Variants in NALCN observed in about 807,000 individuals in gnomAD.
The protein encoded by NALCN is sodium leak channel NALCN.
A neutral mutation model predicts 225.3 loss-of-function variants in NALCN; 111 were observed. That is an observed-to-expected ratio of 0.49 (90% CI 0.42 to 0.58). The LOEUF is 0.58. NALCN is among the 20% of genes least tolerant of loss of function. NALCN has a pLI of 0.00. For synonymous variants in NALCN, 764 were observed against 769.0 expected, an observed-to-expected ratio of 0.99 and a Z score of 0.11; for missense variants, 1,378 against 2,202.4, an observed-to-expected ratio of 0.63 and a Z score of 7.49.
chr13:101,101,779 G>A (rs2034836026), intron 26 of NALCN, among the ~76,000 whole-genome samples: 1 of 152,120 alleles, frequency 6.6e-6, no homozygotes, highest in Non-Finnish European at 1.5e-5. Flanking sequence ...ACGAGTGGCA[G>A]AGGGCAAAAT....
intron 10 of NALCN, among the ~76,000 whole-genome samples, chr13:101,265,841 T>G (rs117536992): frequency 0.018 from 2,779 of 152,238 alleles, 28 homozygotes; most frequent in Admixed American, 0.031. Context: ...TCAAAATTCA[T>G]CAGTCAACAT....
intron 14 of NALCN, among the ~76,000 whole-genome samples, chr13:101,179,715 C>T (rs1409693426): frequency 6.6e-6 from 1 of 152,136 alleles, no homozygotes; most frequent in African/African-American, 2.4e-5. Flanking sequence ...AGCTCTGATT[C>T]CCAGTGATGT....
intron 7 of NALCN, among the ~76,000 whole-genome samples, chr13:101,336,390 T>C (rs1242648266): frequency 6.6e-6 from 1 of 152,140 alleles, no homozygotes; most frequent in Admixed American, 6.5e-5. Context: ...AGTCCCAAAT[T>C]TCAATACTCA....
intron 3 of NALCN, among the ~76,000 whole-genome samples, chr13:101,389,600 A>T (rs1367373272): frequency 6.6e-6 from 1 of 152,164 alleles, no homozygotes; most frequent in African/African-American, 2.4e-5. Flanking sequence ...CGGTCGGTAC[A>T]CAGAAAAGCT....
intron 7 of NALCN, among the ~76,000 whole-genome samples, chr13:101,321,969 A>C (rs2044761076): frequency 6.6e-6 from 1 of 152,194 alleles, no homozygotes; most frequent in Non-Finnish European, 1.5e-5. Context: ...TTCAAGAAAT[A>C]TATGAACTGT....
At chr13:101,372,633 G>C (rs1383474402) in intron 6 of NALCN, among the ~76,000 whole-genome samples, 1 of 152,000 alleles carries the variant, frequency 6.6e-6, no homozygotes, top group African/African-American at 2.4e-5. Flanking sequence ...TATTTGAATT[G>C]AATAATAATA....
intron 33 of NALCN, 146 bp from the exon 34 acceptor site, chr13:101,081,792 T>C (rs1254223079): frequency 2.2e-5 from 24 of 1,115,668 alleles, no homozygotes; most frequent in Non-Finnish European, 3.0e-5. Context: ...ATCTTTTCCA[T>C]TGAAAATGAG....
chr13:101,410,062 C>T (rs1265839954), intron 1 of NALCN, among the ~76,000 whole-genome samples: 1 of 152,158 alleles, frequency 6.6e-6, no homozygotes, highest in Non-Finnish European at 1.5e-5. Context: ...AGGAATCAGC[C>T]AGCACCTTGA....
intron 7 of NALCN, among the ~76,000 whole-genome samples, chr13:101,337,780 G>A (rs1402675057): frequency 6.6e-6 from 1 of 152,160 alleles, no homozygotes. Flanking sequence ...CAGGAATGAA[G>A]GTTACTCATG....
intron 18 of NALCN, among the ~76,000 whole-genome samples, chr13:101,112,620 T>G (rs558818938): frequency 1.3e-5 from 2 of 152,372 alleles, no homozygotes; most frequent in South Asian, 4.1e-4. Context: ...CTCTGAAAGA[T>G]AGCTCACAGG....
chr13:101,233,067 CTAAT>C (rs1276724040), intron 12 of NALCN, among the ~76,000 whole-genome samples: 1 of 152,102 alleles, frequency 6.6e-6, no homozygotes, highest in Non-Finnish European at 1.5e-5. Context: ...GTCAGTGAGT[CTAAT>C]TGTGCCTTTT....
chr13:101,059,669 G>A (rs1054041759), intron 42 of NALCN, 149 bp downstream of exon 42: 30 of 667,962 alleles, frequency 4.5e-5, no homozygotes, highest in African/African-American at 1.5e-4. Flanking sequence ...ATGGATTTCC[G>A]TTGCCTTTTT....
chr13:101,059,804 C>T lies in NALCN; in HGVS notation c.4905+14G>A. The T allele has an allele frequency of 1.2e-6, 2 of 1,613,470 alleles. No individual in the cohort carries two copies. Among genetic ancestry groups the T allele is most frequent in the Non-Finnish European group, 1.7e-6 (2 of 1,179,732 alleles). On this transcript the variant is annotated intron_variant, in intron 42 of 43. Coordinates refer to ENST00000251127, the MANE Select transcript of NALCN (RefSeq NM_052867.4). The stretch of plus-strand genomic sequence containing the variant: ...ACAGAGTGTCCTGGGACAGAGGACG[C>T]CTCGTGCCCATACCTCAGGTTGCAT...
intron 11 of NALCN, among the ~76,000 whole-genome samples, 179 bp from the exon 12 acceptor site, chr13:101,238,101 T>G (rs1279034200): frequency 6.6e-6 from 1 of 151,966 alleles, no homozygotes; most frequent in African/African-American, 2.4e-5. Flanking sequence ...TAGAACACAG[T>G]AGACCAAAGC....
intron 17 of NALCN, among the ~76,000 whole-genome samples, chr13:101,137,373 TTC>T (rs144925380): frequency 2.3e-4 from 34 of 149,786 alleles, no homozygotes; most frequent in Non-Finnish European, 2.8e-4. Context: ...CATTTGTTCA[TTC>T]TCTCTCTCTC....
At chr13:101,257,653 G>A (rs1235190537) in intron 11 of NALCN, among the ~76,000 whole-genome samples, 2 of 151,894 alleles carry the variant, frequency 1.3e-5, no homozygotes, top group Non-Finnish European at 2.9e-5. Context: ...TTGTACAACT[G>A]TGTATGTATA....
At chr13:101,157,895 G>T (rs2139851202) in intron 15 of NALCN, among the ~76,000 whole-genome samples, 1 of 152,036 alleles carries the variant, frequency 6.6e-6, no homozygotes, top group South Asian at 2.1e-4. Flanking sequence ...TGGGATTATA[G>T]GCAGGCGCCA....
intron 14 of NALCN, among the ~76,000 whole-genome samples, chr13:101,190,667 T>C (rs1212223929): frequency 3.3e-5 from 5 of 152,230 alleles, no homozygotes; most frequent in African/African-American, 4.8e-5. Context: ...TTGGTGGACA[T>C]GTCTTAGTTT....
At chr13:101,129,203 A>C (rs943910962) in intron 17 of NALCN, among the ~76,000 whole-genome samples, 1 of 152,210 alleles carries the variant, frequency 6.6e-6, no homozygotes, top group South Asian at 2.1e-4. Flanking sequence ...CCAGTAGCAA[A>C]ACTGGTATGG....
Sources: gnomAD v4.1 joint callset for allele counts (sites outside exome capture counted in the v4.1 genomes callset) on GRCh38, gnomAD v4.1.1 for gene constraint, MANE v1.5 for transcripts, NCBI Gene and HGNC (gene_info 2026-07-23, HGNC 2026-07-21) for gene names.